Variants in BAG6 observed in about 807,000 individuals in gnomAD.
BAG6 encodes the protein large proline-rich protein BAG6.
BAG6 carries 22 observed loss-of-function variants against 121.0 expected under a neutral mutation model. The observed-to-expected ratio is 0.18, with a 90% CI of 0.13 to 0.26. The LOEUF is 0.26. BAG6 is among the 10% of genes least tolerant of loss of function. BAG6 has a pLI of 1.00. For missense variants in BAG6, 1,233 were observed against 1,537.7 expected (o/e 0.80, Z 3.31); for synonymous variants, 583 against 584.6 (o/e 1.00, Z 0.04).
intron 8 of BAG6, 143 bp downstream of exon 8, chr6:31,646,251 G>A: frequency 4.7e-6 from 6 of 1,286,798 alleles, no homozygotes; most frequent in Non-Finnish European, 6.3e-6. Flanking sequence ...CTCCCAAAGT[G>A]CTGGGATTAC....
chr6:31,650,797 A>C (rs2151033011), intron 2 of BAG6, among the ~76,000 whole-genome samples: 1 of 152,282 alleles, frequency 6.6e-6, no homozygotes, highest in African/African-American at 2.4e-5. Context: ...GTAATATCAC[A>C]TTTTAGAAAA....
In BAG6 at chr6:31,642,158, G is replaced by A. The variant is rs1448011022; in HGVS notation, c.2289C>T (p.Leu763=). 1.9e-6 allele frequency: 3 copies of A among 1,612,942 alleles called. No individual in the cohort carries two copies. The highest frequency in any genetic ancestry group is 2.5e-6 in the Non-Finnish European group (3 of 1,179,992). ...GCTCAAAGATGTTGCTGGATCCACTGAGGCGTTGTATGAAGGCAGCAATAC... is the reference window on the plus strand; with the variant it reads ...GCTCAAAGATGTTGCTGGATCCACTAAGGCGTTGTATGAAGGCAGCAATAC... ...SESIAAFIQR[L]SGSSNIFEPG... The change falls in exon 16 of 26, where the codon CTC becomes CTT. Residue 763 remains leucine, a synonymous_variant. Coordinates refer to ENST00000676615, the MANE Select transcript of BAG6 (RefSeq NM_001387994.1).
chr6:31,648,858 C>A, intron 5 of BAG6, 53 bp downstream of exon 5: 1 of 1,572,614 alleles, frequency 6.4e-7, no homozygotes, highest in Non-Finnish European at 8.6e-7. Context: ...ACCCCACCTC[C>A]CAGCCTCCTT....
Position 31,641,675 on chromosome 6 carries a change from G to C in BAG6, c.2506-83C>G. On this transcript the variant is annotated intron_variant, in intron 17 of 25. Coordinates refer to ENST00000676615, the MANE Select transcript of BAG6 (RefSeq NM_001387994.1). This position sits in a 1 kb window ranked among gnomAD's most constrained non-coding sequence, Gnocchi z 5.7. ...CTCGACCCCAACAAGTCCAGGGCTTGTGTGGGGGCAATTGGAGCTTTACCT... is the reference window on the plus strand; with the variant it reads ...CTCGACCCCAACAAGTCCAGGGCTTCTGTGGGGGCAATTGGAGCTTTACCT... 6.2e-7 allele frequency: 1 copy of C among 1,609,358 alleles called. No individual in the cohort carries two copies. The highest frequency in any genetic ancestry group is 8.5e-7 in the Non-Finnish European group (1 of 1,175,674).
At chr6:31,651,983 G>A (rs1797334022) in intron 1 of BAG6, 2 of 512,942 alleles carry the variant, frequency 3.9e-6, no homozygotes, top group South Asian at 5.5e-5. Flanking sequence ...GGAGCTGGAG[G>A]ACGAGAGGTG....
chr6:31,643,107 T>C lies in BAG6; in HGVS notation c.1765A>G (p.Thr589Ala). 6.4e-7 allele frequency: 1 copy of C among 1,567,676 alleles called. No individual in the cohort carries two copies. Among genetic ancestry groups the C allele is most frequent in the Non-Finnish European group, 8.6e-7 (1 of 1,163,262 alleles). Residue 589 changes from threonine to alanine, a missense_variant, in exon 15 of 26, where the codon ACC becomes GCC. Thr to Ala is a moderately conservative substitution (Grantham distance 58). Around this residue, in one of 7 missense-constraint regions of BAG6, gnomAD observed 777 missense variants for 861.4 expected, o/e 0.90. Coordinates refer to ENST00000676615, the MANE Select transcript of BAG6 (RefSeq NM_001387994.1). Reference protein sequence around the residue: ...LMQPVLVAQGTPGMAPPPAPA... With the variant: ...LMQPVLVAQGAPGMAPPPAPA... ...GCTGGCGGTGGAGCCATACCTGGGG[T>C]CCCCTGAGCTGTAAGAAACCAAAAA...
At position 31,644,798 on chromosome 6, in the gene BAG6, C is replaced by A. The variant is rs28732155; in HGVS notation, c.1369+148G>T. 223 of 1,365,964 alleles carry A rather than the reference C, an allele frequency of 1.6e-4. No homozygotes were observed. The highest frequency in any genetic ancestry group is 2.5e-4 in the Middle Eastern group (1 of 3,936). The allele number at this position is 1,365,964 out of a possible 1,614,324, so 84.6% of individuals were successfully genotyped here. On this transcript the variant is annotated intron_variant, in intron 10 of 25. Transcript: ENST00000676615. The surrounding 1 kb of genome is among the most constrained non-coding windows in gnomAD (Gnocchi z 4.9). ...AAGACAAACCAACCCCCACACCCCCCACATCTGTCTACTTAAGCTTCTGCT... is the reference window on the plus strand; with the variant it reads ...AAGACAAACCAACCCCCACACCCCCAACATCTGTCTACTTAAGCTTCTGCT...
In BAG6 at chr6:31,639,162, T is replaced by A; in HGVS notation, c.3458A>T (p.Asn1153Ile). 1 of 1,613,970 alleles carries A rather than the reference T, an allele frequency of 6.2e-7. No individual in the cohort carries two copies. The highest frequency in any genetic ancestry group is 8.5e-7 in the Non-Finnish European group (1 of 1,179,956). Residue 1153 changes from asparagine (N) to isoleucine (I), a missense_variant, in exon 26 of 26, where the codon AAT becomes ATT. By Grantham distance (149) the Asn-to-Ile change is moderately radical. Coordinates refer to ENST00000676615, the MANE Select transcript of BAG6 (RefSeq NM_001387994.1). ...DPNYSPQRFP[N>I]AQRAFADDP is the part of the protein sequence containing the mutation. ...ATCATCAGCAAAGGCCCGCTGGGCA[T>A]TGGGGAAGCGCTGGGGACTGTAGTT...
chr6:31,649,061 T>C (rs1468839276), intron 4 of BAG6, 97 bp from the exon 5 acceptor site: 1 of 1,498,760 alleles, frequency 6.7e-7, no homozygotes, highest in African/African-American at 1.4e-5. Context: ...CTTTTCTCCT[T>C]AAAGACTGAG....
chr6:31,639,355 G>T, intron 25 of BAG6, 129 bp from the exon 26 acceptor site: 2 of 1,444,948 alleles, frequency 1.4e-6, no homozygotes, highest in Non-Finnish European at 1.9e-6. Flanking sequence ...GCCCGGGGTG[G>T]CACTGTCAAG....
At position 31,640,025 on chromosome 6, in the gene BAG6, T is replaced by C. The variant is rs543179236; in HGVS notation, c.3246+174A>G. Among the ~76,000 whole-genome samples the C allele has an allele frequency of 2.6e-5, 4 of 152,308 alleles. No homozygotes were observed. In the South Asian group the frequency reaches 8.3e-4, roughly 32 times the overall value. On this transcript the variant is annotated intron_variant, in intron 24 of 25. Transcript: ENST00000676615. This position sits in a 1 kb window ranked among gnomAD's most constrained non-coding sequence, Gnocchi z 4.2. Reference sequence around the variant, plus strand: ...TAGCAAACAGACTAAGGTCAAGTCCTGTATGGTTATGCAACAACCAAGAGC... The same window carrying C: ...TAGCAAACAGACTAAGGTCAAGTCCCGTATGGTTATGCAACAACCAAGAGC...
intron 9 of BAG6, 21 bp from the exon 10 acceptor site, chr6:31,645,219 G>A (rs767349429): frequency 7.5e-6 from 12 of 1,602,034 alleles, no homozygotes; most frequent in Non-Finnish European, 9.4e-6. Context: ...CAGATGGACA[G>A]GCAGATGTGA....
chr6:31,642,780 C>A, intron 15 of BAG6, 49 bp downstream of exon 15: 1 of 1,593,566 alleles, frequency 6.3e-7, no homozygotes. Context: ...CACTGCCTGG[C>A]TGGGCCGGGG....
chr6:31,641,709 A>G lies in BAG6; in HGVS notation c.2505+67T>C. ...CAATTGGAGCTTTACCTGGCAGAGA[A>G]GCAGTCAGAAATAAGGAATAAAATG... On this transcript the variant is annotated intron_variant, in intron 17 of 25. Transcript: ENST00000676615. The surrounding 1 kb of genome is among the most constrained non-coding windows in gnomAD (Gnocchi z 5.7). 2 of 1,611,550 alleles carry G rather than the reference A, an allele frequency of 1.2e-6. No individual in the cohort carries two copies. The highest frequency in any genetic ancestry group is 1.7e-6 in the Non-Finnish European group (2 of 1,177,858).
At chr6:31,642,545 A>T (rs1783975366) in intron 15 of BAG6, 142 bp from the exon 16 acceptor site, 2 of 634,466 alleles carry the variant, frequency 3.2e-6, no homozygotes, top group Non-Finnish European at 5.5e-6. Flanking sequence ...TTAAAGCAGA[A>T]GTATGGTAGG....
At position 31,640,186 on chromosome 6, in the gene BAG6, GA is replaced by G; in HGVS notation, c.3246+12del. On this transcript the variant is annotated intron_variant, in intron 24 of 25. Coordinates refer to ENST00000676615, the MANE Select transcript of BAG6 (RefSeq NM_001387994.1). The surrounding 1 kb of genome is among the most constrained non-coding windows in gnomAD (Gnocchi z 4.2). ...TGGATAGAGAGAGAGGCTTAGGGAAGAGGAAAACCAACCTTGCGTCTCTTGG... is the reference window on the plus strand; with the variant it reads ...TGGATAGAGAGAGAGGCTTAGGGAAGGGAAAACCAACCTTGCGTCTCTTGG... The G allele has an allele frequency of 3.7e-6, 6 of 1,613,082 alleles. No homozygotes were observed. The highest frequency in any genetic ancestry group is 4.2e-6 in the Non-Finnish European group (5 of 1,179,262).
In BAG6 at chr6:31,644,617, A is replaced by G; in HGVS notation, c.1370-15T>C. ...TGTGCCAGAATCTGGGCAGGGAGAC[A>G]GAGACAGTGGCCCTGAGGTAGGTAG... is the stretch of plus-strand genomic sequence containing the variant. On this transcript the variant is annotated splice_polypyrimidine_tract_variant and intron_variant, in intron 10 of 25. Coordinates refer to ENST00000676615, the MANE Select transcript of BAG6 (RefSeq NM_001387994.1). The surrounding 1 kb of genome is among the most constrained non-coding windows in gnomAD (Gnocchi z 4.9). The G allele has an allele frequency of 1.2e-6, 2 of 1,611,968 alleles. No individual in the cohort carries two copies. The highest frequency in any genetic ancestry group is 1.7e-6 in the Non-Finnish European group (2 of 1,179,480).
chr6:31,646,213 C>T (rs1561929365), intron 8 of BAG6, among the ~76,000 whole-genome samples, 181 bp downstream of exon 8: 1 of 152,102 alleles, frequency 6.6e-6, no homozygotes, highest in Non-Finnish European at 1.5e-5. Flanking sequence ...CTCAAACTCC[C>T]AATCTCAGAT....
At chr6:31,651,546 AG>A (rs1796751484) in intron 2 of BAG6, 109 bp downstream of exon 2, 3 of 892,688 alleles carry the variant, frequency 3.4e-6, no homozygotes, top group Non-Finnish European at 3.4e-6. Context: ...CTCAAAAAAA[AG>A]AAAAAAAAAG....
Sources: gnomAD v4.1 joint callset for allele counts (sites outside exome capture counted in the v4.1 genomes callset) on GRCh38, gnomAD v4.1.1 for gene constraint, gnomAD v4.1.1 regional missense constraint, Gnocchi (gnomAD v3.1) non-coding constraint, MANE v1.5 for transcripts, NCBI Gene and HGNC (gene_info 2026-07-23, HGNC 2026-07-21) for gene names.